Variants in FAAH2 observed in about 807,000 individuals in gnomAD.
FAAH2 encodes the protein fatty acid amide hydrolase 2.
A neutral mutation model predicts 36.9 loss-of-function variants in FAAH2; 60 were observed. That is an observed-to-expected ratio of 1.63 (90% CI 1.32 to 2.02). FAAH2 has a LOEUF of 2.02. Among genes scored for constraint, FAAH2 ranks in the 30% most tolerant of loss-of-function variants. FAAH2 has a pLI of 0.00. For synonymous variants in FAAH2, 214 were observed against 143.8 expected, an observed-to-expected ratio of 1.49 and a Z score of -3.49; for missense variants, 689 against 397.5, an observed-to-expected ratio of 1.73 and a Z score of -6.23.
intron 8 of FAAH2, among the ~76,000 whole-genome samples, chrX:57,444,146 A>T (rs1470408540): frequency 4.5e-5 from 5 of 112,351 alleles, no homozygotes; most frequent in African/African-American, 1.6e-4. Flanking sequence ...GCTGTCAGAC[A>T]GGACGTTTAA....
the FAAH2 span, among the ~76,000 whole-genome samples, chrX:57,193,737 G>A: frequency 8.9e-6 from 1 of 111,814 alleles, no homozygotes; most frequent in Non-Finnish European, 1.9e-5. Flanking sequence ...TTATTATGAA[G>A]GGAGATTGAA....
chrX:57,429,057 C>A (rs1306709078), intron 7 of FAAH2, among the ~76,000 whole-genome samples: 2 of 111,699 alleles, frequency 1.8e-5, no homozygotes, highest in African/African-American at 6.5e-5. Flanking sequence ...CTGCCAAGGC[C>A]AGGTGCAGTG....
chrX:57,468,132 C>A (rs767763886), intron 10 of FAAH2, among the ~76,000 whole-genome samples: 1 of 111,297 alleles, frequency 9.0e-6, no homozygotes, highest in Non-Finnish European at 1.9e-5. Flanking sequence ...CTAGATAAAA[C>A]CACAAAGATG....
At chrX:57,420,168 G>C (rs1222844748) in intron 7 of FAAH2, among the ~76,000 whole-genome samples, 1 of 111,645 alleles carries the variant, frequency 9.0e-6, no homozygotes, top group Non-Finnish European at 1.9e-5. Flanking sequence ...CTCCAGCTTT[G>C]TTCTTTTGGC....
intron 3 of FAAH2, among the ~76,000 whole-genome samples, chrX:57,323,756 G>T (rs1311429405): frequency 1.0e-5 from 1 of 98,534 alleles, no homozygotes; most frequent in Non-Finnish European, 2.0e-5. Flanking sequence ...TGTCAGATGT[G>T]CAGATTGCAA....
At chrX:57,341,964 A>ACTC (rs1234680739) in intron 5 of FAAH2, among the ~76,000 whole-genome samples, 27 of 111,469 alleles carry the variant, frequency 2.4e-4, no homozygotes, top group African/African-American at 7.8e-4. Context: ...GTCAAAGCAG[A>ACTC]CTCCCTGCAT....
intron 7 of FAAH2, chrX:57,392,984 T>C (rs2055202749): frequency 2.1e-6 from 2 of 933,779 alleles, no homozygotes; most frequent in African/African-American, 3.9e-5. Context: ...TATCCTCAAC[T>C]GGGAGCTTGA....
the FAAH2 span, among the ~76,000 whole-genome samples, chrX:57,122,467 G>C: frequency 8.9e-6 from 1 of 111,891 alleles, no homozygotes; most frequent in African/African-American, 3.2e-5. Flanking sequence ...TATCGGAATA[G>C]AAAGCTTTGC....
intron 7 of FAAH2, among the ~76,000 whole-genome samples, chrX:57,412,611 T>C (rs1028902023): frequency 8.9e-6 from 1 of 112,360 alleles, no homozygotes; most frequent in African/African-American, 3.2e-5. Flanking sequence ...ATTTTCTTTA[T>C]CCAGTCTATT....
the FAAH2 span, among the ~76,000 whole-genome samples, chrX:57,204,067 C>T: frequency 1.8e-5 from 2 of 110,929 alleles, no homozygotes; most frequent in African/African-American, 6.6e-5. Context: ...GGCACACAGA[C>T]TGAGAGGTGC....
chrX:57,270,724 C>G, the FAAH2 span, among the ~76,000 whole-genome samples: 1 of 111,244 alleles, frequency 9.0e-6, no homozygotes, highest in African/African-American at 3.3e-5. Flanking sequence ...CTGGGAAGTG[C>G]AAGGGGTCGG....
intron 5 of FAAH2, among the ~76,000 whole-genome samples, chrX:57,356,709 TTTG>T (rs1471129914): frequency 1.8e-5 from 2 of 111,073 alleles, no homozygotes; most frequent in Non-Finnish European, 3.8e-5. Flanking sequence ...AGTTCTTAAT[TTTG>T]TTGTTTTTTC....
At chrX:57,389,558 A>C (rs1352984199) in intron 7 of FAAH2, among the ~76,000 whole-genome samples, 1 of 109,750 alleles carries the variant, frequency 9.1e-6, no homozygotes, top group Non-Finnish European at 1.9e-5. Flanking sequence ...AAAATTTTCT[A>C]TACTTTTAAG....
At chrX:57,384,083 C>T (rs1395119370) in intron 7 of FAAH2, among the ~76,000 whole-genome samples, 1 of 111,507 alleles carries the variant, frequency 9.0e-6, no homozygotes, top group Non-Finnish European at 1.9e-5. Flanking sequence ...AAACAATTCC[C>T]TATTTAACAA....
intron 7 of FAAH2, among the ~76,000 whole-genome samples, chrX:57,420,944 T>C (rs1385422066): frequency 8.9e-6 from 1 of 112,368 alleles, no homozygotes; most frequent in East Asian, 2.8e-4. Context: ...TTGTTGAATT[T>C]TGTCAAAGGC....
the FAAH2 span, among the ~76,000 whole-genome samples, chrX:57,270,633 C>T: frequency 4.5e-5 from 5 of 111,657 alleles, no homozygotes; most frequent in African/African-American, 9.8e-5. Flanking sequence ...CTGACGTACC[C>T]GGTTCATCTC....
At chrX:57,308,459 G>T (rs987967236) in intron 2 of FAAH2, among the ~76,000 whole-genome samples, 2 of 111,148 alleles carry the variant, frequency 1.8e-5, no homozygotes, top group African/African-American at 6.5e-5. Flanking sequence ...CACATCTTTT[G>T]CCCACTTTTA....
chrX:57,168,347 G>T, the FAAH2 span, among the ~76,000 whole-genome samples: 3 of 108,569 alleles, frequency 2.8e-5, no homozygotes, highest in African/African-American at 1.0e-4. Flanking sequence ...TTTGTTCTAG[G>T]TCCTCTCTGC....
At chrX:57,482,824 G>T (rs2057405492) in intron 10 of FAAH2, among the ~76,000 whole-genome samples, 2 of 106,312 alleles carry the variant, frequency 1.9e-5, no homozygotes, top group Admixed American at 2.1e-4. Context: ...TTTTAAAGGA[G>T]TTAAAATAGC....
Sources: gnomAD v4.1 joint callset for allele counts (sites outside exome capture counted in the v4.1 genomes callset) on GRCh38, gnomAD v4.1.1 for gene constraint, MANE v1.5 for transcripts, NCBI Gene and HGNC (gene_info 2026-07-23, HGNC 2026-07-21) for gene names.